AMTN: variants seen among roughly 807,000 people sequenced by gnomAD.
AMTN encodes the protein amelotin, also known as RSTI689.
A neutral mutation model predicts 27.4 loss-of-function variants in AMTN; 29 were observed. That is an observed-to-expected ratio of 1.06 (90% CI 0.79 to 1.44). The LOEUF (loss-of-function observed/expected upper bound fraction) is 1.44. Ranked by LOEUF, AMTN falls within the 40% of genes most tolerant of loss-of-function variation. The pLI, the probability that AMTN is intolerant of heterozygous loss-of-function variation, is 0.00. For missense variants in AMTN, 247 were observed against 248.8 expected (o/e 0.99, Z 0.05); for synonymous variants, 86 against 95.7 (o/e 0.90, Z 0.59).
At chr4:70,525,448 A>G (rs887465635) in intron 5 of AMTN, among the ~76,000 whole-genome samples, 1 of 152,134 alleles carries the variant, frequency 6.6e-6, no homozygotes, top group Non-Finnish European at 1.5e-5. Flanking sequence ...ACCTCCCACT[A>G]TCACTTGCTT....
intron 2 of AMTN, among the ~76,000 whole-genome samples, chr4:70,521,478 T>C: frequency 6.7e-6 from 1 of 149,518 alleles, no homozygotes; most frequent in South Asian, 2.1e-4. Context: ...ACCATCATTT[T>C]CACAGGGTCA....
Position 70,529,188 on chromosome 4 carries a change from C to A in AMTN, c.335C>A (p.Thr112Asn). The A allele has an allele frequency of 6.4e-7, 1 of 1,553,862 alleles. No individual in the cohort carries two copies. Among genetic ancestry groups the A allele is most frequent in the Non-Finnish European group, 8.6e-7 (1 of 1,156,088 alleles). The stretch of plus-strand genomic sequence containing the variant: ...TGTTTGTCATTTTGCTTTTAGGGCA[C>A]TATCCTAAGCTCAGAGGAATTGGTA... ...IFVTQLGAQG[T>N]ILSSEELPQI... The change falls in exon 7 of 9, where the codon ACT becomes AAT. Residue 112 changes from threonine to asparagine, a missense_variant. Thr to Asn is a moderately conservative substitution (Grantham distance 65). Transcript: ENST00000339336.
At chr4:70,520,086 G>T (rs1220156610) in intron 2 of AMTN, among the ~76,000 whole-genome samples, 1 of 152,042 alleles carries the variant, frequency 6.6e-6, no homozygotes, top group Non-Finnish European at 1.5e-5. Flanking sequence ...AGTTTCTCTA[G>T]TATATTTAAA....
Position 70,531,319 on chromosome 4 carries a change from G to C in AMTN, c.619+19G>C. On this transcript the variant is annotated intron_variant, in intron 8 of 8. Coordinates refer to ENST00000339336, the MANE Select transcript of AMTN (RefSeq NM_212557.4). ...GCAAATGGTAAATTCTCCTAGCTTG[G>C]AACATGCTTCTTGGCTATAAAAGTC... is the stretch of plus-strand genomic sequence containing the variant. The C allele has an allele frequency of 6.2e-7, 1 of 1,612,362 alleles. No individual in the cohort carries two copies.
At chr4:70,528,290 T>TC (rs1462032868) in intron 5 of AMTN, among the ~76,000 whole-genome samples, 12 of 152,192 alleles carry the variant, frequency 7.9e-5, no homozygotes, top group Non-Finnish European at 1.2e-4. Flanking sequence ...TCTATGAATT[T>TC]ATATCTATGA....
At chr4:70,525,634 C>T (rs190394648) in intron 5 of AMTN, among the ~76,000 whole-genome samples, 47 of 152,252 alleles carry the variant, frequency 3.1e-4, no homozygotes, top group African/African-American at 8.7e-4. Flanking sequence ...CAGTGGCCCA[C>T]GCTGTAATCC....
At chr4:70,527,391 C>T (rs906797490) in intron 5 of AMTN, among the ~76,000 whole-genome samples, 1 of 152,154 alleles carries the variant, frequency 6.6e-6, no homozygotes, top group Non-Finnish European at 1.5e-5. Flanking sequence ...TCCACTCCAA[C>T]TTTCCATTAA....
At chr4:70,519,178 G>T (rs758460983) in intron 2 of AMTN, among the ~76,000 whole-genome samples, 6 of 152,138 alleles carry the variant, frequency 3.9e-5, no homozygotes, top group Non-Finnish European at 5.9e-5. Flanking sequence ...ATTTGCTCAT[G>T]AATAAAGAGG....
At position 70,518,855 on chromosome 4, in the gene AMTN, T is replaced by C. The variant is rs543144811; in HGVS notation, c.54+24T>C. ...CAGTAAGTATGTTATGTTTGTTTTA[T>C]ATGCCAGCCAGTTTCAACAGCATCT... On this transcript the variant is annotated intron_variant, in intron 2 of 8. Transcript: ENST00000339336. The C allele has an allele frequency of 2.5e-6, 4 of 1,591,578 alleles. No individual in the cohort carries two copies. In the South Asian group the frequency reaches 4.4e-5, roughly 18 times the overall value.
intron 4 of AMTN, among the ~76,000 whole-genome samples, chr4:70,524,601 T>G (rs1736055022): frequency 6.6e-6 from 1 of 152,076 alleles, no homozygotes; most frequent in Admixed American, 6.6e-5. Flanking sequence ...TAAAAATAAA[T>G]CACTTAAGTA....
intron 5 of AMTN, among the ~76,000 whole-genome samples, chr4:70,525,660 C>G (rs1448838713): frequency 6.6e-6 from 1 of 152,274 alleles, no homozygotes; most frequent in Non-Finnish European, 1.5e-5. Flanking sequence ...CTTTGGAAGG[C>G]CAAGGCAGGA....
In AMTN at chr4:70,523,776, A is replaced by G. The variant is rs1318784956; in HGVS notation, c.139-92A>G. ...CCTTCATGGTAAACCCACCTCTGAC[A>G]GGACTGTCAATTACATGAGGATATC... On this transcript the variant is annotated intron_variant, in intron 3 of 8. Coordinates refer to ENST00000339336, the MANE Select transcript of AMTN (RefSeq NM_212557.4). 1.6e-5 allele frequency: 18 copies of G among 1,114,486 alleles called. 1 individual carries two copies. The Admixed American group carries it at 2.9e-4, about 18-fold the overall frequency. The allele number at this position is 1,114,486 out of a possible 1,614,324, so 69.0% of individuals were successfully genotyped here.
At chr4:70,525,372 A>C (rs1399082716) in intron 5 of AMTN, among the ~76,000 whole-genome samples, 1 of 152,174 alleles carries the variant, frequency 6.6e-6, no homozygotes, top group Non-Finnish European at 1.5e-5. Context: ...CAGCAAATCT[A>C]ATTGTCCCAT....
At chr4:70,522,712 A>G (rs1444390750) in intron 2 of AMTN, 43 bp from the exon 3 acceptor site, 19 of 1,589,664 alleles carry the variant, frequency 1.2e-5, no homozygotes, top group Middle Eastern at 3.3e-4. Flanking sequence ...AAAATCTTAA[A>G]CACATTCCTG....
At chr4:70,520,311 C>G (rs13151614) in intron 2 of AMTN, among the ~76,000 whole-genome samples, 88,703 of 151,998 alleles carry the variant, frequency 0.58, 26,263 homozygotes, top group Admixed American at 0.61. Context: ...TGAAACATCA[C>G]GACACATAGA....
chr4:70,532,417 T>C, intron 8 of AMTN, 38 bp from the exon 9 acceptor site: 2 of 1,529,930 alleles, frequency 1.3e-6, no homozygotes, highest in Non-Finnish European at 1.8e-6. Context: ...TAAATATACT[T>C]TTTACCTACA....
chr4:70,523,829 C>A lies in AMTN; in HGVS notation c.139-39C>A, dbSNP rs746991039. 1.7e-5 allele frequency: 26 copies of A among 1,566,086 alleles called. No homozygotes were observed. In the Admixed American group the frequency reaches 3.0e-4, roughly 18 times the overall value. On this transcript the variant is annotated intron_variant, in intron 3 of 8. Coordinates refer to ENST00000339336, the MANE Select transcript of AMTN (RefSeq NM_212557.4). The stretch of plus-strand genomic sequence containing the variant: ...CCACTGACAGAGTAAGGGAAGCAGA[C>A]AACCTCTTGTCTCATACATCACTTT...
chr4:70,523,766 C>A, intron 3 of AMTN, 102 bp from the exon 4 acceptor site: 3 of 1,007,632 alleles, frequency 3.0e-6, no homozygotes, highest in South Asian at 1.5e-5. Flanking sequence ...ATGGTAAACC[C>A]ACCTCTGACA....
chr4:70,528,337 C>T (rs1560574176), intron 5 of AMTN, among the ~76,000 whole-genome samples: 1 of 152,116 alleles, frequency 6.6e-6, no homozygotes, highest in African/African-American at 2.4e-5. Flanking sequence ...ATCTGTTTAA[C>T]AGATACTATA....
Sources: gnomAD v4.1 joint callset for allele counts (sites outside exome capture counted in the v4.1 genomes callset) on GRCh38, gnomAD v4.1.1 for gene constraint, MANE v1.5 for transcripts, NCBI Gene and HGNC (gene_info 2026-07-23, HGNC 2026-07-21) for gene names.